The following ABHD6 variants were observed in gnomAD, a reference collection of about 807,000 sequenced individuals.
ABHD6 encodes the protein abhydrolase domain containing 6, acylglycerol lipase.
A neutral mutation model predicts 38.8 loss-of-function variants in ABHD6; 33 were observed. The ratio of observed to expected loss-of-function variants is 0.85; its 90% CI spans 0.64 to 1.14. The LOEUF (loss-of-function observed/expected upper bound fraction) is 1.14. Among genes scored for constraint, ABHD6 ranks in the 50% most tolerant of loss-of-function variants. The probability of loss-of-function intolerance (pLI) is 0.00; values close to 1 mark genes in which losing one functional copy is unlikely to be tolerated. For synonymous variants in ABHD6, 147 were observed against 161.6 expected (o/e 0.91, Z 0.69); for missense variants, 380 against 422.6 (o/e 0.90, Z 0.88).
chr3:58,242,354 A>T (rs1046841530), intron 1 of ABHD6, among the ~76,000 whole-genome samples: 21 of 152,192 alleles, frequency 1.4e-4, no homozygotes, highest in African/African-American at 5.1e-4. Flanking sequence ...CAGCTTGCTT[A>T]ATTTCTCTAG....
intron 5 of ABHD6, among the ~76,000 whole-genome samples, chr3:58,270,619 G>T (rs918007360): frequency 1.3e-5 from 2 of 151,822 alleles, no homozygotes; most frequent in Admixed American, 6.6e-5. Context: ...CCATGATCAC[G>T]CCACTGCACT....
At position 58,287,801 on chromosome 3, in the gene ABHD6, G is replaced by C. The variant is rs1051244833; in HGVS notation, c.837+2348G>C. ...AAGTCTATGTTCCAGCCCTACTTTT[G>C]TCCTTGGTCAGCCCATGCATGACCT... On this transcript the variant is annotated intron_variant, in intron 9 of 9. Coordinates refer to ENST00000478253, the MANE Select transcript of ABHD6 (RefSeq NM_001320126.2). This position sits in a 1 kb window ranked among gnomAD's most constrained non-coding sequence, Gnocchi z 4.7. 6.6e-6 allele frequency among the ~76,000 whole-genome samples: 1 copy of C among 152,222 alleles called. No homozygotes were observed. Among genetic ancestry groups the C allele is most frequent in the Non-Finnish European group, 1.5e-5 (1 of 68,046 alleles).
Position 58,263,670 on chromosome 3 carries a change from G to A in ABHD6, c.120-3519G>A, listed in dbSNP as rs966935791. Among the ~76,000 whole-genome samples the A allele has an allele frequency of 1.1e-4, 16 of 152,196 alleles. No homozygotes were observed. Among genetic ancestry groups the A allele is most frequent in the African/African-American group, 3.9e-4 (16 of 41,450 alleles). On this transcript the variant is annotated intron_variant, in intron 3 of 9. Coordinates refer to ENST00000478253, the MANE Select transcript of ABHD6 (RefSeq NM_001320126.2). This position sits in a 1 kb window ranked among gnomAD's most constrained non-coding sequence, Gnocchi z 4.9. ...ACACCTTCTCCAGCTTCCAGCTGAT[G>A]TATGTTGAGTATCCAGTAGTCTGCT...
At chr3:58,272,846 A>G (rs1281687212) in intron 6 of ABHD6, among the ~76,000 whole-genome samples, 9 of 152,196 alleles carry the variant, frequency 5.9e-5, no homozygotes, top group African/African-American at 2.2e-4. Context: ...TTTTGAAATA[A>G]TTTTTAATTT....
chr3:58,289,998 C>T (rs1304046614), intron 9 of ABHD6, among the ~76,000 whole-genome samples: 13 of 138,504 alleles, frequency 9.4e-5, no homozygotes, highest in South Asian at 2.3e-4. Context: ...GGGGCTGACC[C>T]CCCCACCTCC....
At chr3:58,291,968 A>G (rs2097463382) in intron 9 of ABHD6, among the ~76,000 whole-genome samples, 3 of 138,664 alleles carry the variant, frequency 2.2e-5, no homozygotes, top group Admixed American at 2.0e-4. Flanking sequence ...AAAAAAAGAC[A>G]CTCAGTTGGG....
intron 9 of ABHD6, among the ~76,000 whole-genome samples, chr3:58,286,391 A>G (rs2097457023): frequency 6.6e-6 from 1 of 152,134 alleles, no homozygotes; most frequent in East Asian, 1.9e-4. Context: ...CCTGACTTCA[A>G]GCAGTCCACC....
chr3:58,285,193 G>C lies in ABHD6; in HGVS notation c.736+54G>C, dbSNP rs764710210. On this transcript the variant is annotated intron_variant, in intron 8 of 9. Coordinates refer to ENST00000478253, the MANE Select transcript of ABHD6 (RefSeq NM_001320126.2). This position sits in a 1 kb window ranked among gnomAD's most constrained non-coding sequence, Gnocchi z 4.9. ...TTGTTACAAGTGAAGCTCTGTGGAT[G>C]GATGGCTTTTATTTCTTAAATCTCT... 59 of 1,579,852 alleles carry C rather than the reference G, an allele frequency of 3.7e-5. No homozygotes were observed. Among genetic ancestry groups the C allele is most frequent in the Non-Finnish European group, 5.0e-5 (57 of 1,149,020 alleles).
At chr3:58,245,187 C>T (rs1034379863) in intron 1 of ABHD6, among the ~76,000 whole-genome samples, 12 of 152,102 alleles carry the variant, frequency 7.9e-5, no homozygotes, top group African/African-American at 2.9e-4. Flanking sequence ...TGTTTTGAGA[C>T]GGAGTCTCGC....
rs536419960 is a variant in ABHD6, at chr3:58,249,653, C to T, written c.-90-225C>T. On this transcript the variant is annotated intron_variant, in intron 1 of 9. Coordinates refer to ENST00000478253, the MANE Select transcript of ABHD6 (RefSeq NM_001320126.2). ...ATTCTTCCTAGTCCTGGCTCATTAT[C>T]TGAGACGCCCTGCCCTTTGTGCACG... 5.3e-5 allele frequency among the ~76,000 whole-genome samples: 8 copies of T among 152,346 alleles called. No individual in the cohort carries two copies. The East Asian group carries it at 1.5e-3, about 29-fold the overall frequency.
chr3:58,291,921 GC>G (rs751338744), intron 9 of ABHD6, among the ~76,000 whole-genome samples: 4 of 152,186 alleles, frequency 2.6e-5, no homozygotes, highest in South Asian at 2.1e-4. Context: ...CTGCACTCCA[GC>G]CTGTGCAACA....
intron 3 of ABHD6, among the ~76,000 whole-genome samples, chr3:58,262,746 A>G (rs1476014164): frequency 1.3e-5 from 2 of 151,936 alleles, no homozygotes; most frequent in Non-Finnish European, 2.9e-5. Flanking sequence ...TCATCTTCCT[A>G]CTCTTTCGTT....
At chr3:58,284,977 A>T in intron 7 of ABHD6, 108 bp from the exon 8 acceptor site, 1 of 981,554 alleles carries the variant, frequency 1.0e-6, no homozygotes, top group Admixed American at 1.8e-5. Context: ...AGACCTTGAC[A>T]GTGCAATAAA....
chr3:58,246,150 T>A (rs546063871), intron 1 of ABHD6, among the ~76,000 whole-genome samples: 2 of 152,170 alleles, frequency 1.3e-5, no homozygotes, highest in Non-Finnish European at 2.9e-5. Context: ...GCCTGAAGAC[T>A]TTGGGCTCCT....
Position 58,286,848 on chromosome 3 carries a change from G to GTATATATATATATATA in ABHD6, c.837+1396_837+1397insATATATATATATATAT, listed in dbSNP as rs60071781. Among the ~76,000 whole-genome samples the GTATATATATATATATA allele has an allele frequency of 8.0e-3, 556 of 69,802 alleles. 17 individuals are homozygous for GTATATATATATATATA. Among genetic ancestry groups the GTATATATATATATATA allele is most frequent in the Middle Eastern group, 0.033 (5 of 150 alleles). The allele number at this position is 69,802 out of a possible 152,430, so 45.8% of individuals were successfully genotyped here. On this transcript the variant is annotated intron_variant, in intron 9 of 9. Coordinates refer to ENST00000478253, the MANE Select transcript of ABHD6 (RefSeq NM_001320126.2). ...TGTGTGTGTGTGTGTGTGTGTGTGT[G>GTATATATATATATATA]TGTGTATATATATATATATATGTAT...
rs896402924 is a variant in ABHD6 at position 58,269,191 on chromosome 3, T to G, written c.277-130T>G. The stretch of plus-strand genomic sequence containing the variant: ...TTATTCAATTACTGGGGTAAAACAC[T>G]GAGTGGCCAAGACCCATACATCCCC... On this transcript the variant is annotated intron_variant, in intron 4 of 9. Transcript: ENST00000478253. This position sits in a 1 kb window ranked among gnomAD's most constrained non-coding sequence, Gnocchi z 4.4. 13 of 633,096 alleles carry G rather than the reference T, an allele frequency of 2.1e-5. No homozygotes were observed. The highest frequency in any genetic ancestry group is 2.0e-4 in the African/African-American group (11 of 55,288). The allele number at this position is 633,096 out of a possible 1,614,324, so 39.2% of individuals were successfully genotyped here.
intron 6 of ABHD6, 89 bp downstream of exon 6, chr3:58,271,153 C>A (rs1575524935): frequency 2.8e-6 from 4 of 1,408,180 alleles, no homozygotes; most frequent in East Asian, 2.5e-5. Context: ...TTTTTGGAAT[C>A]ATCTTTTTGA....
intron 7 of ABHD6, among the ~76,000 whole-genome samples, chr3:58,284,806 A>G (rs1425634429): frequency 6.6e-6 from 1 of 152,158 alleles, no homozygotes; most frequent in Admixed American, 6.5e-5. Context: ...AGTTGCTGTC[A>G]GGCCATCTCA....
intron 9 of ABHD6, among the ~76,000 whole-genome samples, chr3:58,290,979 C>T (rs4681838): frequency 0.52 from 78,250 of 151,018 alleles, 21,787 homozygotes; most frequent in African/African-American, 0.73. Flanking sequence ...GATGGGGTGG[C>T]GGCCGGGCAG....
Sources: gnomAD v4.1 joint callset for allele counts (sites outside exome capture counted in the v4.1 genomes callset) on GRCh38, gnomAD v4.1.1 for gene constraint, Gnocchi (gnomAD v3.1) non-coding constraint, MANE v1.5 for transcripts, NCBI Gene and HGNC (gene_info 2026-07-23, HGNC 2026-07-21) for gene names.